Variants in TMEM200A observed in about 807,000 individuals in gnomAD.
The protein encoded by TMEM200A is two transmembrane C.
TMEM200A carries 12 observed loss-of-function variants against 24.3 expected under a neutral mutation model. The observed-to-expected ratio is 0.49, with a 90% CI of 0.32 to 0.80. TMEM200A has a LOEUF of 0.80. Among genes scored for constraint, TMEM200A ranks in the 30% least tolerant of loss-of-function variants. The pLI is 0.04. For missense variants in TMEM200A, 545 were observed against 614.4 expected, an observed-to-expected ratio of 0.89 and a Z score of 1.19; for synonymous variants, 224 against 224.4, an observed-to-expected ratio of 1.00 and a Z score of 0.02.
At chr6:130,422,748 C>T (rs1450485070) in intron 2 of TMEM200A, among the ~76,000 whole-genome samples, 1 of 152,188 alleles carries the variant, frequency 6.6e-6, no homozygotes. Flanking sequence ...GGGTTTCCCA[C>T]TCAGCATTTA....
intron 2 of TMEM200A, among the ~76,000 whole-genome samples, chr6:130,426,687 GGAAA>G (rs1331806498): frequency 6.6e-6 from 1 of 152,186 alleles, no homozygotes; most frequent in African/African-American, 2.4e-5. Flanking sequence ...CTTTGGGGAA[GGAAA>G]GAAAGAAAGC....
chr6:130,416,711 C>A (rs901363467), intron 2 of TMEM200A, among the ~76,000 whole-genome samples: 1 of 152,092 alleles, frequency 6.6e-6, no homozygotes, highest in Non-Finnish European at 1.5e-5. Flanking sequence ...TGCCCCTTTC[C>A]ATACAGCAGC....
chr6:130,379,451 A>G (rs922701854), intron 1 of TMEM200A, among the ~76,000 whole-genome samples: 2 of 150,816 alleles, frequency 1.3e-5, no homozygotes, highest in South Asian at 2.1e-4. Flanking sequence ...AGCATATTCA[A>G]TAGGCCATAG....
rs549115260 is a variant in TMEM200A, at chr6:130,370,090, C to T, written c.-81+3566C>T. On this transcript the variant is annotated intron_variant, in intron 1 of 2. Transcript: ENST00000296978. ...AACTCAGAGACTTACACAACTTTGT[C>T]GAGGTTCTTTCTCTCTCTCCCCATT... 4.6e-4 allele frequency among the ~76,000 whole-genome samples: 70 copies of T among 152,272 alleles called. 1 individual carries two copies. The South Asian group carries it at 0.013, about 29-fold the overall frequency.
At chr6:130,389,812 C>A (rs1778793481) in intron 2 of TMEM200A, among the ~76,000 whole-genome samples, 2 of 152,160 alleles carry the variant, frequency 1.3e-5, no homozygotes, top group Admixed American at 1.3e-4. Context: ...CCCAGTTGTG[C>A]TAACTAAGGG....
chr6:130,365,533 G>C, upstream of TMEM200A: 1 of 985,364 alleles, frequency 1.0e-6, no homozygotes, highest in Non-Finnish European at 1.2e-6. Context: ...GTGGAGCCAG[G>C]GTCCTGCGGT....
At chr6:130,420,025 A>T (rs1377660797) in intron 2 of TMEM200A, among the ~76,000 whole-genome samples, 1 of 152,032 alleles carries the variant, frequency 6.6e-6, no homozygotes, top group Non-Finnish European at 1.5e-5. Flanking sequence ...AAGGACATTA[A>T]TCCTCTCCAT....
chr6:130,371,833 A>T (rs752981142), intron 1 of TMEM200A, among the ~76,000 whole-genome samples: 2 of 152,162 alleles, frequency 1.3e-5, no homozygotes, highest in Non-Finnish European at 2.9e-5. Context: ...ATGGCTTTAA[A>T]TATCCTTCCT....
At chr6:130,440,026 ATGTG>A (rs60406822) in intron 2 of TMEM200A, among the ~76,000 whole-genome samples, 1 of 148,960 alleles carries the variant, frequency 6.7e-6, no homozygotes, top group East Asian at 2.0e-4. Flanking sequence ...GTGTGTGTGT[ATGTG>A]TGTGTGTGTG....
At chr6:130,392,209 G>T (rs898513161) in intron 2 of TMEM200A, among the ~76,000 whole-genome samples, 5 of 152,200 alleles carry the variant, frequency 3.3e-5, no homozygotes, top group African/African-American at 1.2e-4. Context: ...CAAATTAGGT[G>T]ATGCATGTAA....
intron 2 of TMEM200A, chr6:130,437,023 C>T (rs1780038727): frequency 6.6e-6 from 1 of 152,134 alleles, no homozygotes; most frequent in Admixed American, 6.6e-5. Context: ...TCCCTAATTC[C>T]TGCTTTCATC....
At chr6:130,398,431 C>A (rs1779003702) in intron 2 of TMEM200A, among the ~76,000 whole-genome samples, 1 of 142,208 alleles carries the variant, frequency 7.0e-6, no homozygotes, top group Admixed American at 6.9e-5. Context: ...ATGAACATAC[C>A]AGTGCATGTG....
intron 2 of TMEM200A, among the ~76,000 whole-genome samples, chr6:130,426,460 GCCC>G (rs762866765): frequency 1.4e-5 from 2 of 141,282 alleles, no homozygotes; most frequent in African/African-American, 5.2e-5. Flanking sequence ...CCTTTCTGCA[GCCC>G]CCCCCCCCTC....
intron 2 of TMEM200A, among the ~76,000 whole-genome samples, chr6:130,423,100 T>C (rs1779642448): frequency 6.6e-6 from 1 of 152,196 alleles, no homozygotes; most frequent in Non-Finnish European, 1.5e-5. Flanking sequence ...CTATCTGGGG[T>C]AATACTTAAT....
At chr6:130,413,188 C>T (rs1052050206) in intron 2 of TMEM200A, among the ~76,000 whole-genome samples, 24 of 152,176 alleles carry the variant, frequency 1.6e-4, no homozygotes, top group Admixed American at 7.2e-4. Flanking sequence ...CTGATAATCC[C>T]AAGTTTGTAT....
At chr6:130,378,834 A>G (rs1311207475) in intron 1 of TMEM200A, among the ~76,000 whole-genome samples, 2 of 152,226 alleles carry the variant, frequency 1.3e-5, no homozygotes, top group African/African-American at 4.8e-5. Flanking sequence ...TGCTGCTGTA[A>G]CATGAATATC....
chr6:130,381,264 T>C (rs1322555021), intron 1 of TMEM200A, among the ~76,000 whole-genome samples: 2 of 152,210 alleles, frequency 1.3e-5, no homozygotes, highest in African/African-American at 2.4e-5. Flanking sequence ...CTGGCATCTG[T>C]GTCTGTCAGT....
chr6:130,416,443 TTTTCA>T (rs1293299327), intron 2 of TMEM200A, among the ~76,000 whole-genome samples: 3 of 152,172 alleles, frequency 2.0e-5, no homozygotes, highest in Non-Finnish European at 4.4e-5. Context: ...AAACAGCTTC[TTTTCA>T]TTTGTTCTTA....
At chr6:130,382,805 C>T (rs1778630995) in intron 1 of TMEM200A, among the ~76,000 whole-genome samples, 1 of 152,132 alleles carries the variant, frequency 6.6e-6, no homozygotes, top group South Asian at 2.1e-4. Flanking sequence ...AGGGTAATGA[C>T]TGAGCCCCAC....
Sources: allele counts gnomAD v4.1 joint callset (sites outside exome capture counted in the v4.1 genomes callset), GRCh38; gene constraint gnomAD v4.1.1; transcripts MANE v1.5; gene names NCBI Gene and HGNC (gene_info 2026-07-23, HGNC 2026-07-21).